The following SNAP25 variants were observed in gnomAD, a reference collection of about 807,000 sequenced individuals.
SNAP25 encodes the protein synaptosome associated protein 25, also known as synaptosomal-associated protein 25.
Under a neutral mutation model 28.7 loss-of-function variants are expected in SNAP25, and 3 were observed. The ratio of observed to expected loss-of-function variants is 0.10; its 90% CI spans 0.05 to 0.27. SNAP25 has a LOEUF of 0.27. SNAP25 is among the 10% of genes least tolerant of loss of function. The pLI is 1.00. For synonymous variants in SNAP25, 61 were observed against 88.1 expected, an observed-to-expected ratio of 0.69 and a Z score of 1.72; for missense variants, 117 against 278.7, an observed-to-expected ratio of 0.42 and a Z score of 4.13.
intron 1 of SNAP25, 106 bp from the exon 2 acceptor site, chr20:10,275,323 A>C (rs374211506): frequency 2.1e-5 from 9 of 420,522 alleles, no homozygotes. Flanking sequence ...AGATCAGAAA[A>C]CTGAGTCATG....
In SNAP25 at chr20:10,306,631, C is replaced by A. The variant is rs2064366502; in HGVS notation, c.*434C>A. On this transcript the variant is annotated 3_prime_UTR_variant, in exon 8 of 8. Transcript: ENST00000254976. Reference sequence around the variant, plus strand: ...CTCTCAAAATGTGCCGTCTTTGGTTCCTCATGGCTGTTATCTGTCTTTATG... The same window carrying A: ...CTCTCAAAATGTGCCGTCTTTGGTTACTCATGGCTGTTATCTGTCTTTATG... The A allele has an allele frequency of 6.4e-6, 1 of 155,944 alleles. No homozygotes were observed. Among genetic ancestry groups the A allele is most frequent in the Admixed American group, 6.5e-5 (1 of 15,460 alleles). 9.7% of individuals were successfully genotyped at this position (155,944 alleles called of 1,614,324 possible).
chr20:10,280,214 C>G (rs895542892), intron 3 of SNAP25, among the ~76,000 whole-genome samples: 1 of 152,182 alleles, frequency 6.6e-6, no homozygotes, highest in African/African-American at 2.4e-5. Flanking sequence ...CCTTAACAGA[C>G]TCCAGGGTGT....
At chr20:10,247,011 G>C (rs1305180278) in intron 1 of SNAP25, among the ~76,000 whole-genome samples, 1 of 152,136 alleles carries the variant, frequency 6.6e-6, no homozygotes, top group Non-Finnish European at 1.5e-5. Flanking sequence ...ACATAAAGAA[G>C]TTAGACACTG....
At chr20:10,288,512 T>G (rs775642099) in intron 4 of SNAP25, among the ~76,000 whole-genome samples, 1 of 152,240 alleles carries the variant, frequency 6.6e-6, no homozygotes, top group East Asian at 1.9e-4. Flanking sequence ...ATATATCTTC[T>G]TTAGCACAAA....
chr20:10,229,074 C>T (rs550983190), intron 1 of SNAP25, among the ~76,000 whole-genome samples: 11 of 152,096 alleles, frequency 7.2e-5, no homozygotes, highest in Non-Finnish European at 1.5e-4. Context: ...GTTATTTAAA[C>T]ACTGGTCCCC....
At chr20:10,235,022 A>G (rs780700502) in intron 1 of SNAP25, among the ~76,000 whole-genome samples, 7 of 152,212 alleles carry the variant, frequency 4.6e-5, no homozygotes, top group Non-Finnish European at 1.0e-4. Flanking sequence ...GAACTGGACC[A>G]TGCCACTGCA....
chr20:10,259,079 G>A (rs976369093), intron 1 of SNAP25, among the ~76,000 whole-genome samples: 1 of 152,028 alleles, frequency 6.6e-6, no homozygotes, highest in African/African-American at 2.4e-5. Context: ...CTTCAAAGAG[G>A]GACATAGCAG....
chr20:10,293,096 CT>C lies in SNAP25; in HGVS notation c.164-58del, dbSNP rs1418452460. 19 of 1,408,910 alleles carry C rather than the reference CT, an allele frequency of 1.3e-5. No individual in the cohort carries two copies. Among genetic ancestry groups the C allele is most frequent in the Non-Finnish European group, 1.6e-5 (17 of 1,045,114 alleles). 87.3% of individuals were successfully genotyped at this position (1,408,910 alleles called of 1,614,324 possible). On this transcript the variant is annotated intron_variant, in intron 4 of 7. Coordinates refer to ENST00000254976, the MANE Select transcript of SNAP25 (RefSeq NM_130811.4). This position sits in a 1 kb window ranked among gnomAD's most constrained non-coding sequence, Gnocchi z 5.6. The stretch of plus-strand genomic sequence containing the variant: ...TCAAAGTGAATGTCTGAAGTTTTGT[CT>C]TTTTTTCTTTGTCCTTTTCCATCTG...
chr20:10,270,698 CAA>C (rs60294713), intron 1 of SNAP25, among the ~76,000 whole-genome samples: 1 of 133,386 alleles, frequency 7.5e-6, no homozygotes, highest in African/African-American at 2.7e-5. Context: ...AACTCTGTCT[CAA>C]AAAAAAAAAA....
At chr20:10,222,182 T>C (rs1180994324) in intron 1 of SNAP25, among the ~76,000 whole-genome samples, 1 of 152,208 alleles carries the variant, frequency 6.6e-6, no homozygotes, top group African/African-American at 2.4e-5. Flanking sequence ...TCAATAAGTT[T>C]AGCATCTAGC....
intron 1 of SNAP25, among the ~76,000 whole-genome samples, chr20:10,270,461 G>A (rs1170457762): frequency 6.6e-6 from 1 of 152,170 alleles, no homozygotes; most frequent in Non-Finnish European, 1.5e-5. Context: ...CACTTTGGGA[G>A]GCCAAGGCAG....
At chr20:10,279,685 G>A (rs1229825469) in intron 3 of SNAP25, among the ~76,000 whole-genome samples, 1 of 152,162 alleles carries the variant, frequency 6.6e-6, no homozygotes, top group African/African-American at 2.4e-5. Context: ...ATTGAAGTAG[G>A]ATTCTCGAAT....
chr20:10,269,361 C>T (rs1412923905), intron 1 of SNAP25, among the ~76,000 whole-genome samples: 2 of 152,124 alleles, frequency 1.3e-5, no homozygotes, highest in African/African-American at 4.8e-5. Context: ...AAGATTGTGC[C>T]ACCGCACTCC....
chr20:10,230,905 G>T lies in SNAP25; in HGVS notation c.-64+11928G>T, dbSNP rs903082391. ...TTCACAGAGTGAGGACAAGTGTGTG[G>T]GATGGGGGCCAACTGGCTCCTTTAT... is the stretch of plus-strand genomic sequence containing the variant. On this transcript the variant is annotated intron_variant, in intron 1 of 7. Transcript: ENST00000254976. Among the ~76,000 whole-genome samples, 3 of 152,066 alleles carry T rather than the reference G, an allele frequency of 2.0e-5. No homozygotes were observed. In the East Asian group the frequency reaches 5.8e-4, roughly 29 times the overall value.
At chr20:10,226,379 CA>C (rs1210707010) in intron 1 of SNAP25, among the ~76,000 whole-genome samples, 1 of 152,088 alleles carries the variant, frequency 6.6e-6, no homozygotes, top group Non-Finnish European at 1.5e-5. Flanking sequence ...GATCACTGCC[CA>C]TGTATTGCTT....
intron 1 of SNAP25, among the ~76,000 whole-genome samples, chr20:10,268,233 T>G (rs1320021665): frequency 1.3e-5 from 2 of 152,198 alleles, no homozygotes; most frequent in Non-Finnish European, 2.9e-5. Context: ...CATAAACTTT[T>G]GTTGAATTTG....
chr20:10,280,228 C>G (rs2063756255), intron 3 of SNAP25, among the ~76,000 whole-genome samples: 1 of 152,050 alleles, frequency 6.6e-6, no homozygotes, highest in Non-Finnish European at 1.5e-5. Context: ...AGGGTGTAGC[C>G]GTGGTTAGGG....
intron 1 of SNAP25, among the ~76,000 whole-genome samples, chr20:10,268,563 C>A (rs1423730743): frequency 6.6e-6 from 1 of 152,104 alleles, no homozygotes; most frequent in African/African-American, 2.4e-5. Context: ...CTTTGTATAT[C>A]AAAAAGCACA....
chr20:10,231,776 C>CATTTCAG (rs1191140390), intron 1 of SNAP25, among the ~76,000 whole-genome samples: 1 of 152,166 alleles, frequency 6.6e-6, no homozygotes. Context: ...CCTATTAGAG[C>CATTTCAG]ATTTCAGATT....
Sources: gnomAD v4.1 joint callset for allele counts (sites outside exome capture counted in the v4.1 genomes callset) on GRCh38, gnomAD v4.1.1 for gene constraint, Gnocchi (gnomAD v3.1) non-coding constraint, MANE v1.5 for transcripts, NCBI Gene and HGNC (gene_info 2026-07-23, HGNC 2026-07-21) for gene names.